The following SBNO2 variants were observed in gnomAD, a reference collection of about 807,000 sequenced individuals.
SBNO2 encodes strawberry notch homolog 2, also known as protein strawberry notch homolog 2.
Under a neutral mutation model 146.3 loss-of-function variants are expected in SBNO2, and 89 were observed. That is an observed-to-expected ratio of 0.61 (90% CI 0.51 to 0.73). The LOEUF (loss-of-function observed/expected upper bound fraction) is 0.73. Ranked by LOEUF, SBNO2 falls within the 30% of genes least tolerant of loss-of-function variation. The pLI is 0.00. For synonymous variants in SBNO2, 1,147 were observed against 892.6 expected, an observed-to-expected ratio of 1.29 and a Z score of -5.08; for missense variants, 2,092 against 2,003.7, an observed-to-expected ratio of 1.04 and a Z score of -0.84.
chr19:1,109,872 AC>A lies in SBNO2; in HGVS notation c.3029-96del, dbSNP rs1201520057. On this transcript the variant is annotated intron_variant, in intron 26 of 31. Transcript: ENST00000361757. This position sits in a 1 kb window ranked among gnomAD's most constrained non-coding sequence, Gnocchi z 4.2. ...GTAGCCGGGGCGCACCCTAGAGACG[AC>A]CCCCCGAGAGCACAGGAGAGGGTGT... 7.6e-6 allele frequency: 6 copies of A among 786,778 alleles called. No individual in the cohort carries two copies. Among genetic ancestry groups the A allele is most frequent in the South Asian group, 4.4e-5 (2 of 45,562 alleles). 48.7% of individuals were successfully genotyped at this position (786,778 alleles called of 1,614,324 possible).
At chr19:1,108,756 C>T (rs185699102) in intron 31 of SBNO2, 23 bp downstream of exon 31, 6 of 1,594,986 alleles carry the variant, frequency 3.8e-6, no homozygotes, top group African/African-American at 1.3e-5. Context: ...CGGGCCTTCC[C>T]GGGGCGCCCG....
intron 7 of SBNO2, among the ~76,000 whole-genome samples, 166 bp downstream of exon 7, chr19:1,123,368 G>A (rs1038580361): frequency 2.0e-5 from 3 of 152,124 alleles, no homozygotes; most frequent in African/African-American, 4.8e-5. Context: ...TGCGAACCCC[G>A]GTTTTGTATA....
intron 16 of SBNO2, among the ~76,000 whole-genome samples, chr19:1,116,448 G>C (rs1231604930): frequency 6.6e-6 from 1 of 152,050 alleles, no homozygotes; most frequent in African/African-American, 2.4e-5. Flanking sequence ...GGGGATCTAG[G>C]GGGGCTGCTG....
intron 1 of SBNO2, among the ~76,000 whole-genome samples, chr19:1,154,677 C>T (rs537657619): frequency 3.3e-4 from 50 of 152,326 alleles, no homozygotes; most frequent in African/African-American, 9.9e-4. Context: ...CTGCCCAGGT[C>T]ACAGGGCAGC....
Position 1,128,933 on chromosome 19 carries a change from C to T in SBNO2, c.280-1168G>A, listed in dbSNP as rs566267610. 1.5e-4 allele frequency among the ~76,000 whole-genome samples: 22 copies of T among 148,814 alleles called. 1 individual carries two copies. In the South Asian group the frequency reaches 4.5e-3, roughly 30 times the overall value. On this transcript the variant is annotated intron_variant, in intron 4 of 31. Transcript: ENST00000361757. ...GCAGTGAGCTGTTACTGCACAACTA[C>T]ATTCCAGCCTGGGTGACAGAGCAAG...
intron 1 of SBNO2, among the ~76,000 whole-genome samples, chr19:1,161,635 C>T (rs953787614): frequency 1.3e-5 from 2 of 151,732 alleles, no homozygotes; most frequent in Admixed American, 6.6e-5. Context: ...CCCGATGAAG[C>T]GGGTCTCAGG....
intron 24 of SBNO2, 131 bp from the exon 25 acceptor site, chr19:1,111,224 G>A: frequency 9.5e-7 from 1 of 1,052,226 alleles, no homozygotes; most frequent in Non-Finnish European, 1.3e-6. Context: ...GCCAGGGCCA[G>A]GGCCAGGAGC....
chr19:1,159,397 C>G (rs2080322169), intron 1 of SBNO2, among the ~76,000 whole-genome samples: 1 of 140,076 alleles, frequency 7.1e-6, no homozygotes, highest in African/African-American at 2.7e-5. Context: ...GCCTGAAGGG[C>G]TGGAGCCAAG....
rs1048070005 is a variant in SBNO2 at position 1,110,461 on chromosome 19, G to A, written c.3028+284C>T. 6.6e-6 allele frequency among the ~76,000 whole-genome samples: 1 copy of A among 151,688 alleles called. No individual in the cohort carries two copies. Among genetic ancestry groups the A allele is most frequent in the Non-Finnish European group, 1.5e-5 (1 of 67,920 alleles). On this transcript the variant is annotated intron_variant, in intron 26 of 31. Coordinates refer to ENST00000361757, the MANE Select transcript of SBNO2 (RefSeq NM_014963.3). This position sits in a 1 kb window ranked among gnomAD's most constrained non-coding sequence, Gnocchi z 4.9. ...CCGCCCAGTCTCACCCAGTACCCTC[G>A]CTCACCCAGGATGCATGGCGCTTCC...
intron 1 of SBNO2, among the ~76,000 whole-genome samples, chr19:1,167,363 C>A (rs2080435912): frequency 6.6e-6 from 1 of 152,268 alleles, no homozygotes; most frequent in South Asian, 2.1e-4. Context: ...GGCTGCTCCA[C>A]GGCCACGGCT....
intron 1 of SBNO2, among the ~76,000 whole-genome samples, chr19:1,167,313 G>A (rs2080435402): frequency 6.6e-6 from 1 of 152,248 alleles, no homozygotes; most frequent in Non-Finnish European, 1.5e-5. Flanking sequence ...ACACCCACGC[G>A]CCCTCTCTGG....
At chr19:1,163,481 A>C (rs1391040247) in intron 1 of SBNO2, among the ~76,000 whole-genome samples, 1 of 152,176 alleles carries the variant, frequency 6.6e-6, no homozygotes, top group Non-Finnish European at 1.5e-5. Context: ...CCGCCACGAG[A>C]AGCTCGTCCA....
chr19:1,145,927 G>A (rs2080185583), intron 4 of SBNO2, among the ~76,000 whole-genome samples: 1 of 152,122 alleles, frequency 6.6e-6, no homozygotes, highest in African/African-American at 2.4e-5. Context: ...GGGGCTACAG[G>A]ACAGGAATCC....
chr19:1,162,932 A>C (rs2080363533), intron 1 of SBNO2, among the ~76,000 whole-genome samples: 3 of 152,150 alleles, frequency 2.0e-5, no homozygotes, highest in African/African-American at 4.8e-5. Context: ...CAGGGCCACC[A>C]ATGTGGACGG....
intron 2 of SBNO2, among the ~76,000 whole-genome samples, chr19:1,151,566 TG>T (rs1198621241): frequency 6.6e-6 from 1 of 152,074 alleles, no homozygotes; most frequent in Non-Finnish European, 1.5e-5. Flanking sequence ...AGCCAGAGGG[TG>T]TGGCTTCACC....
chr19:1,133,098 T>C (rs2080049597), intron 4 of SBNO2, among the ~76,000 whole-genome samples: 1 of 151,892 alleles, frequency 6.6e-6, no homozygotes, highest in Non-Finnish European at 1.5e-5. Flanking sequence ...TCATTCTCGG[T>C]GTCCTTGGAG....
At position 1,112,198 on chromosome 19, in the gene SBNO2, C is replaced by T; in HGVS notation, c.2619G>A (p.Leu873=). 6.3e-7 allele frequency: 1 copy of T among 1,588,032 alleles called. No individual in the cohort carries two copies. Among genetic ancestry groups the T allele is most frequent in the South Asian group, 1.1e-5 (1 of 88,056 alleles). The change falls in exon 22 of 32, where the codon CTG becomes CTA. Residue 873 remains leucine (L), a synonymous_variant. Transcript: ENST00000361757. This position sits in a 1 kb window ranked among gnomAD's most constrained non-coding sequence, Gnocchi z 5.9. ...ACCCCCACCTGCTCACCAGACTCTC[C>T]AGGCGCTTGGCCACGATGGAGGCGA... The part of the protein sequence containing the change: ...RRFASIVAKR[L]ESLGALTHGD...
rs7249065 is a variant in SBNO2, at chr19:1,112,944, G to T, written c.2253C>A (p.Thr751=). ...TGGACACCACGCGGCCTTTCCTGCC[G>T]GTCATCTGCAGCCGAGACAGGGACA... ...LGGPQRVAEM[T]GRKGRVVSRP... is the part of the protein sequence containing the mutation. Residue 751 remains threonine (T), a synonymous_variant, in exon 20 of 32, where the codon ACC becomes ACA. Coordinates refer to ENST00000361757, the MANE Select transcript of SBNO2 (RefSeq NM_014963.3). The surrounding 1 kb of genome is among the most constrained non-coding windows in gnomAD (Gnocchi z 5.9). 1.3e-6 allele frequency: 2 copies of T among 1,562,512 alleles called. No individual in the cohort carries two copies. Among genetic ancestry groups the T allele is most frequent in the Non-Finnish European group, 1.7e-6 (2 of 1,155,018 alleles).
intron 14 of SBNO2, 51 bp from the exon 15 acceptor site, chr19:1,117,550 ACCCGGGCCCCGG>A: frequency 6.7e-7 from 1 of 1,502,084 alleles, no homozygotes; most frequent in Non-Finnish European, 8.9e-7. Flanking sequence ...CTGGCTCCCG[ACCCGGGCCCCGG>A]CCCACCTGCC....
Sources: allele counts gnomAD v4.1 joint callset (sites outside exome capture counted in the v4.1 genomes callset), GRCh38; gene constraint gnomAD v4.1.1; non-coding constraint Gnocchi (gnomAD v3.1); transcripts MANE v1.5; gene names NCBI Gene and HGNC (gene_info 2026-07-23, HGNC 2026-07-21).